The following CCNI variants were observed in gnomAD, a reference collection of about 807,000 sequenced individuals.
CCNI encodes cyclin-I.
CCNI carries 14 observed loss-of-function variants against 34.1 expected under a neutral mutation model. The ratio of observed to expected loss-of-function variants is 0.41; its 90% CI spans 0.27 to 0.64. CCNI has a LOEUF of 0.64. Ranked by LOEUF, CCNI falls within the 30% of genes least tolerant of loss-of-function variation. The probability of loss-of-function intolerance (pLI) is 0.31; values close to 1 mark genes in which losing one functional copy is unlikely to be tolerated. For missense variants in CCNI, 385 were observed against 440.5 expected (o/e 0.87, Z 1.13); for synonymous variants, 154 against 158.4 (o/e 0.97, Z 0.21).
chr4:77,050,481 CTGA>C (rs1420496168), intron 6 of CCNI, among the ~76,000 whole-genome samples: 7 of 152,092 alleles, frequency 4.6e-5, no homozygotes, highest in African/African-American at 7.2e-5. Flanking sequence ...TGGTAAAAGG[CTGA>C]TGTTAGTCAT....
rs1578227583 is a variant in CCNI at position 77,048,021 on chromosome 4, T to G, written c.*198A>C. 2.5e-6 allele frequency: 1 copy of G among 398,552 alleles called. No individual in the cohort carries two copies. The highest frequency in any genetic ancestry group is 3.7e-5 in the East Asian group (1 of 26,948). The allele number at this position is 398,552 out of a possible 1,614,324, so 24.7% of individuals were successfully genotyped here. A position where few individuals can be genotyped will look rare whatever the true frequency, so the allele number is the denominator to read the frequency against. On this transcript the variant is annotated 3_prime_UTR_variant, in exon 7 of 7. Transcript: ENST00000237654. The stretch of plus-strand genomic sequence containing the variant: ...GGATCTTTTGGATTTCTTTTTTTTT[T>G]TTTTGGTCTTTATGTGCTTAAATAA...
At chr4:77,070,413 T>C (rs185387120) in intron 1 of CCNI, among the ~76,000 whole-genome samples, 3 of 151,806 alleles carry the variant, frequency 2.0e-5, no homozygotes, top group South Asian at 2.1e-4. Flanking sequence ...CTCAGGTTCC[T>C]TGTTAAGCCA....
chr4:77,053,280 T>A (rs1445292920), intron 6 of CCNI, among the ~76,000 whole-genome samples: 2 of 152,184 alleles, frequency 1.3e-5, no homozygotes, highest in African/African-American at 4.8e-5. Flanking sequence ...TTGTGTGGTA[T>A]GAAAAAAAGC....
chr4:77,064,584 C>CGT (rs757567649), intron 2 of CCNI: 1 of 114,888 alleles, frequency 8.7e-6, no homozygotes, highest in Non-Finnish European at 1.8e-5. Flanking sequence ...TGCGCGCGCG[C>CGT]GCACACACAC....
chr4:77,059,531 T>C (rs1220718365), intron 2 of CCNI, among the ~76,000 whole-genome samples: 1 of 151,974 alleles, frequency 6.6e-6, no homozygotes, highest in East Asian at 2.0e-4. Flanking sequence ...TTCAGGTTGA[T>C]TTCCTGTTCA....
At chr4:77,058,662 A>C in intron 2 of CCNI, 27 bp from the exon 3 acceptor site, 1 of 1,604,192 alleles carries the variant, frequency 6.2e-7, no homozygotes, top group Non-Finnish European at 8.5e-7. Flanking sequence ...TTGAAAACAG[A>C]AGACAAAGTT....
chr4:77,062,543 G>C (rs1046712106), intron 2 of CCNI, among the ~76,000 whole-genome samples: 3 of 150,904 alleles, frequency 2.0e-5, no homozygotes, highest in Admixed American at 6.6e-5. Flanking sequence ...CTGGGCAACA[G>C]AGCAAGACCC....
intron 2 of CCNI, among the ~76,000 whole-genome samples, chr4:77,063,931 T>C (rs2109826804): frequency 6.6e-6 from 1 of 152,106 alleles, no homozygotes; most frequent in East Asian, 1.9e-4. Context: ...ACACCAGTAT[T>C]CATTAAATCA....
intron 6 of CCNI, 125 bp downstream of exon 6, chr4:77,055,025 T>C: frequency 1.6e-6 from 1 of 625,240 alleles, no homozygotes; most frequent in Non-Finnish European, 2.8e-6. Context: ...TATACTTTAC[T>C]CTTGTCTACT....
At chr4:77,053,339 A>G (rs1727994867) in intron 6 of CCNI, among the ~76,000 whole-genome samples, 1 of 152,192 alleles carries the variant, frequency 6.6e-6, no homozygotes, top group South Asian at 2.1e-4. Flanking sequence ...GCTCTAAGAA[A>G]GTCTCCAGTT....
chr4:77,059,134 A>G (rs1014972521), intron 2 of CCNI, among the ~76,000 whole-genome samples: 2 of 152,136 alleles, frequency 1.3e-5, no homozygotes, highest in Non-Finnish European at 2.9e-5. Context: ...GGGACAACAG[A>G]TGAATTATAC....
intron 1 of CCNI, among the ~76,000 whole-genome samples, chr4:77,071,815 T>C (rs1729486876): frequency 6.6e-6 from 1 of 152,086 alleles, no homozygotes; most frequent in Non-Finnish European, 1.5e-5. Flanking sequence ...ACTGGTGAGA[T>C]GATTCCAAAA....
intron 1 of CCNI, among the ~76,000 whole-genome samples, chr4:77,068,120 A>G (rs1279871984): frequency 1.3e-5 from 2 of 152,042 alleles, no homozygotes; most frequent in Non-Finnish European, 2.9e-5. Flanking sequence ...AGAGGGTGCA[A>G]TGAGCCAAGA....
At chr4:77,048,962 GTTTTTTTTTTTTTT>G (rs538284505) in intron 6 of CCNI, among the ~76,000 whole-genome samples, 3 of 47,648 alleles carry the variant, frequency 6.3e-5, no homozygotes, top group South Asian at 1.0e-3. Flanking sequence ...TCCAACGTCT[GTTTTTTTTTTTTTT>G]TTTTTTTTTT....
intron 1 of CCNI, among the ~76,000 whole-genome samples, chr4:77,071,405 T>C (rs538455833): frequency 1.3e-5 from 2 of 152,250 alleles, no homozygotes; most frequent in African/African-American, 4.8e-5. Context: ...TAAAAAAGGA[T>C]ATCTCAAATC....
chr4:77,068,109 CAGAG>C (rs1729187496), intron 1 of CCNI, among the ~76,000 whole-genome samples: 1 of 152,020 alleles, frequency 6.6e-6, no homozygotes, highest in Non-Finnish European at 1.5e-5. Context: ...ACCCAGGAGA[CAGAG>C]GGTGCAATGA....
chr4:77,063,343 G>GT (rs199988723), intron 2 of CCNI, among the ~76,000 whole-genome samples: 1,322 of 74,066 alleles, frequency 0.018, 17 homozygotes, highest in Non-Finnish European at 0.022. Context: ...GGAAAGGGAG[G>GT]TAAAAAAAAA....
At chr4:77,068,177 A>AAAAC (rs540058049) in intron 1 of CCNI, among the ~76,000 whole-genome samples, 2,107 of 152,226 alleles carry the variant, frequency 0.014, 28 homozygotes, top group Non-Finnish European at 0.021. Flanking sequence ...ACTCCGTCTC[A>AAAAC]AAACAAACAA....
In CCNI at chr4:77,066,415, C is replaced by A; in HGVS notation, c.-43-10G>T. 1.2e-6 allele frequency: 2 copies of A among 1,601,020 alleles called. No individual in the cohort carries two copies. Among genetic ancestry groups the A allele is most frequent in the South Asian group, 1.1e-5 (1 of 89,126 alleles). On this transcript the variant is annotated splice_polypyrimidine_tract_variant and intron_variant, in intron 1 of 6. Coordinates refer to ENST00000237654, the MANE Select transcript of CCNI (RefSeq NM_006835.3). Reference sequence around the variant, plus strand: ...AGCTTGCTGTAGCTACCTACAGAATCAAGTAAGTTTTAAAATTAGTTATAG... The same window carrying A: ...AGCTTGCTGTAGCTACCTACAGAATAAAGTAAGTTTTAAAATTAGTTATAG...
Sources: allele counts gnomAD v4.1 joint callset (sites outside exome capture counted in the v4.1 genomes callset), GRCh38; gene constraint gnomAD v4.1.1; transcripts MANE v1.5; gene names NCBI Gene and HGNC (gene_info 2026-07-23, HGNC 2026-07-21).